LYST: variants seen among roughly 807,000 people sequenced by gnomAD.
LYST encodes the protein lysosomal-trafficking regulator.
In LYST, 192 loss-of-function variants were observed where a neutral mutation model predicts 413.6. That is an observed-to-expected ratio of 0.46 (90% CI 0.41 to 0.52). The LOEUF is 0.52. LYST is among the 20% of genes least tolerant of loss of function. The probability of loss-of-function intolerance (pLI) is 0.00; values close to 1 mark genes in which losing one functional copy is unlikely to be tolerated. For synonymous variants in LYST, 1,525 were observed against 1,567.3 expected, an observed-to-expected ratio of 0.97 and a Z score of 0.64; for missense variants, 3,815 against 4,499.9, an observed-to-expected ratio of 0.85 and a Z score of 4.35.
intron 1 of LYST, among the ~76,000 whole-genome samples, chr1:235,835,515 C>A (rs538674623): frequency 1.3e-5 from 2 of 152,232 alleles, no homozygotes; most frequent in South Asian, 4.1e-4. Context: ...TTCTCTAATG[C>A]TCTTAAACTG....
intron 46 of LYST, among the ~76,000 whole-genome samples, chr1:235,694,156 C>T (rs893998969): frequency 6.6e-6 from 1 of 151,958 alleles, no homozygotes; most frequent in Admixed American, 6.6e-5. Context: ...ACTACAGGCG[C>T]TCGCCACCAT....
chr1:235,805,577 A>G (rs961260795), intron 6 of LYST, among the ~76,000 whole-genome samples, 166 bp downstream of exon 6: 2 of 149,542 alleles, frequency 1.3e-5, no homozygotes, highest in African/African-American at 4.9e-5. Flanking sequence ...ATAAAACATA[A>G]TATATACACA....
In LYST at chr1:235,709,255, G is replaced by T; in HGVS notation, c.9979C>A (p.Pro3327Thr). The T allele has an allele frequency of 6.2e-7, 1 of 1,614,128 alleles. No homozygotes were observed. The highest frequency in any genetic ancestry group is 8.5e-7 in the Non-Finnish European group (1 of 1,180,012). The change falls in exon 44 of 53, where the codon CCC (proline) becomes ACC (threonine). Residue 3327 changes from proline to threonine, a missense_variant. Physicochemically the swap from Pro to Thr is conservative, Grantham distance 38 (BLOSUM62 -1). Coordinates refer to ENST00000389793, the MANE Select transcript of LYST (RefSeq NM_000081.4). ...NGERVNHVNL[P>T]PWARNDPRLF... ...CGAGGATCATTACGCGCCCAAGGGG[G>T]AAGGTTGACGTGATTAACCCGTTCA...
upstream of LYST, among the ~76,000 whole-genome samples, chr1:235,868,502 A>C (rs961801978): frequency 6.6e-6 from 1 of 152,194 alleles, no homozygotes; most frequent in Non-Finnish European, 1.5e-5. Context: ...AGTCAAAGAA[A>C]TATTAAGTAA....
intron 29 of LYST, 24 bp from the exon 30 acceptor site, chr1:235,744,181 A>G: frequency 7.8e-7 from 1 of 1,286,362 alleles, no homozygotes; most frequent in Non-Finnish European, 1.1e-6. Flanking sequence ...AAAAGAATAC[A>G]AAATTAGTCA....
chr1:235,766,416 T>A (rs568689029), intron 20 of LYST, 139 bp from the exon 21 acceptor site: 1 of 613,788 alleles, frequency 1.6e-6, no homozygotes, highest in East Asian at 2.8e-5. Context: ...ACCATTACCA[T>A]AACAACTCAT....
intron 3 of LYST, among the ~76,000 whole-genome samples, chr1:235,816,460 A>AG (rs1210572766): frequency 8.8e-6 from 1 of 114,122 alleles, no homozygotes; most frequent in African/African-American, 4.6e-5. Context: ...AAATAAATAA[A>AG]AAATAAAAAT....
At chr1:235,725,382 C>T (rs992196760) in intron 38 of LYST, among the ~76,000 whole-genome samples, 6 of 151,860 alleles carry the variant, frequency 4.0e-5, no homozygotes, top group African/African-American at 1.5e-4. Flanking sequence ...TTTGGTGAGC[C>T]GAGATCACGC....
At chr1:235,822,408 C>T (rs1674844842) in intron 3 of LYST, among the ~76,000 whole-genome samples, 1 of 152,198 alleles carries the variant, frequency 6.6e-6, no homozygotes, top group South Asian at 2.1e-4. Flanking sequence ...CTTCTTACTA[C>T]AATTAACTTA....
Position 235,755,591 on chromosome 1 carries a change from C to T in LYST, c.7116G>A (p.Lys2372=). 1 of 1,613,456 alleles carries T rather than the reference C, an allele frequency of 6.2e-7. No homozygotes were observed. Among genetic ancestry groups the T allele is most frequent in the Non-Finnish European group, 8.5e-7 (1 of 1,179,458 alleles). The change falls in exon 25 of 53, where the codon AAG becomes AAA. Residue 2372 remains lysine (K), a synonymous_variant. Transcript: ENST00000389793. ...ASKEQKDKFL[K]NRGFSLLANQ... is the part of the protein sequence containing the mutation. ...TGGCTAGCAAGGAAAATCCACGATT[C>T]TTCAGAAATTTATCTTTTTGTTCCT...
chr1:235,662,857 A>G lies in LYST; in HGVS notation c.*83T>C, dbSNP rs1658140948. The G allele has an allele frequency of 1.2e-6, 1 of 815,220 alleles. No individual in the cohort carries two copies. Among genetic ancestry groups the G allele is most frequent in the Admixed American group, 1.7e-5 (1 of 59,044 alleles). 50.5% of individuals were successfully genotyped at this position (815,220 alleles called of 1,614,324 possible). On this transcript the variant is annotated 3_prime_UTR_variant, in exon 53 of 53. Transcript: ENST00000389793. Reference sequence around the variant, plus strand: ...GGTTTGTCCAGTCATCCATTTCTTTAGGTTCAACCTCCTAAAACTGGTGAA... The same window carrying G: ...GGTTTGTCCAGTCATCCATTTCTTTGGGTTCAACCTCCTAAAACTGGTGAA...
chr1:235,809,870 G>C lies in LYST; in HGVS notation c.948C>G (p.Thr316=). The C allele has an allele frequency of 1.9e-6, 3 of 1,613,824 alleles. No individual in the cohort carries two copies. The highest frequency in any genetic ancestry group is 2.2e-5 in the South Asian group (2 of 91,070). The change falls in exon 5 of 53, where the codon ACC becomes ACG. Residue 316 remains threonine (T), a synonymous_variant. Transcript: ENST00000389793. This position sits in a 1 kb window ranked among gnomAD's most constrained non-coding sequence, Gnocchi z 4.0. ...TTTGAATCAAAGCCACCGGTTCTTC[G>C]GTCCAACCTGCAGAAACTACTCGAC... ...LESRVVSAGW[T]EEPVALIQRM...
chr1:235,820,352 T>C (rs865808940), intron 3 of LYST, among the ~76,000 whole-genome samples: 6 of 151,910 alleles, frequency 3.9e-5, no homozygotes, highest in South Asian at 4.2e-4. Flanking sequence ...GGAAAGCTAA[T>C]AGGTATTTCT....
chr1:235,663,210 C>T, intron 52 of LYST, 132 bp from the exon 53 acceptor site: 2 of 696,632 alleles, frequency 2.9e-6, no homozygotes, highest in South Asian at 3.1e-5. Context: ...TAAATGACTG[C>T]CTACAACTCA....
At chr1:235,865,865 T>C (rs924232463) in intron 1 of LYST, among the ~76,000 whole-genome samples, 1 of 152,220 alleles carries the variant, frequency 6.6e-6, no homozygotes, top group Non-Finnish European at 1.5e-5. Context: ...AAATGCAACC[T>C]GCATTTGATC....
At chr1:235,810,909 T>G (rs1327154008) in intron 4 of LYST, among the ~76,000 whole-genome samples, 1 of 152,186 alleles carries the variant, frequency 6.6e-6, no homozygotes, top group Non-Finnish European at 1.5e-5. Context: ...TTTGGGAGAC[T>G]GAGGCGGGTG....
rs1013673711 is a variant in LYST at position 235,686,593 on chromosome 1, T to A, written c.10800+356A>T. Among the ~76,000 whole-genome samples the A allele has an allele frequency of 6.6e-6, 1 of 152,218 alleles. No individual in the cohort carries two copies. The highest frequency in any genetic ancestry group is 1.5e-5 in the Non-Finnish European group (1 of 68,040). ...TTAGTTTACCCAGAGGTTATCGGAA[T>A]GTTGGACATTAGGGTTTCTAAGCTT... On this transcript the variant is annotated intron_variant, in intron 48 of 52. Transcript: ENST00000389793. The surrounding 1 kb of genome is among the most constrained non-coding windows in gnomAD (Gnocchi z 4.0).
At chr1:235,714,431 T>C (rs887786983) in intron 42 of LYST, among the ~76,000 whole-genome samples, 1 of 152,170 alleles carries the variant, frequency 6.6e-6, no homozygotes, top group Admixed American at 6.5e-5. Context: ...GAGACAAACA[T>C]AGGAAAGCCC....
intron 1 of LYST, among the ~76,000 whole-genome samples, chr1:235,865,077 CCT>C (rs1215001081): frequency 5.3e-5 from 8 of 152,288 alleles, no homozygotes; most frequent in Non-Finnish European, 1.0e-4. Context: ...TATTTCTACT[CCT>C]CTTTGCTTTT....
Sources: allele counts gnomAD v4.1 joint callset (sites outside exome capture counted in the v4.1 genomes callset), GRCh38; gene constraint gnomAD v4.1.1; non-coding constraint Gnocchi (gnomAD v3.1); transcripts MANE v1.5; gene names NCBI Gene and HGNC (gene_info 2026-07-23, HGNC 2026-07-21).